Variants in NXPE1 observed in about 807,000 individuals in gnomAD.
The protein encoded by NXPE1 is neurexophilin and PC-esterase domain family member 1.
In NXPE1, 31 loss-of-function variants were observed where a neutral mutation model predicts 33.3. That is an observed-to-expected ratio of 0.93 (90% CI 0.70 to 1.26). NXPE1 has a LOEUF of 1.26. Ranked by LOEUF, NXPE1 falls within the 50% of genes most tolerant of loss-of-function variation. NXPE1 has a pLI of 0.00. For synonymous variants in NXPE1, 229 were observed against 231.4 expected, an observed-to-expected ratio of 0.99 and a Z score of 0.09; for missense variants, 661 against 655.6, an observed-to-expected ratio of 1.01 and a Z score of -0.09.
exon 9 of NXPE1, chr11:114,522,351 G>C: frequency 6.2e-7 from 1 of 1,614,074 alleles, no homozygotes; most frequent in Non-Finnish European, 8.5e-7. Flanking sequence ...TCAATTTCCC[G>C]AGGGATATAA....
intron 5 of NXPE1, among the ~76,000 whole-genome samples, chr11:114,542,960 A>G (rs1417835373): frequency 6.6e-6 from 1 of 152,204 alleles, no homozygotes; most frequent in Non-Finnish European, 1.5e-5. Context: ...TCACCAATTA[A>G]AGTATATTTT....
chr11:114,522,333 A>G, exon 9 of NXPE1: 1 of 1,614,128 alleles, frequency 6.2e-7, no homozygotes, highest in Non-Finnish European at 8.5e-7. Flanking sequence ...TTGTCACCTG[A>G]TAGCCGGTCA....
chr11:114,530,049 C>T (rs952724696), intron 6 of NXPE1, 126 bp downstream of exon 6: 6 of 988,034 alleles, frequency 6.1e-6, no homozygotes, highest in African/African-American at 1.6e-5. Flanking sequence ...CCCAAGAAGA[C>T]ACCACATGTC....
intron 8 of NXPE1, 47 bp from the exon 9 acceptor site, chr11:114,522,550 T>C: frequency 7.0e-7 from 1 of 1,438,354 alleles, no homozygotes; most frequent in Non-Finnish European, 9.4e-7. Flanking sequence ...TAATGGTTAA[T>C]ATTCATGAAA....
At chr11:114,549,601 T>C (rs931906502) in intron 5 of NXPE1, among the ~76,000 whole-genome samples, 2 of 152,134 alleles carry the variant, frequency 1.3e-5, no homozygotes, top group African/African-American at 4.8e-5. Context: ...ACATAAAATA[T>C]ATACTTTAAC....
At chr11:114,534,609 A>C (rs980890208) in intron 5 of NXPE1, among the ~76,000 whole-genome samples, 1 of 152,362 alleles carries the variant, frequency 6.6e-6, no homozygotes, top group East Asian at 1.9e-4. Context: ...TGGAGCTGAA[A>C]ACCACAGCAC....
intron 5 of NXPE1, among the ~76,000 whole-genome samples, chr11:114,545,527 G>T (rs1296371873): frequency 6.6e-6 from 1 of 152,128 alleles, no homozygotes; most frequent in Non-Finnish European, 1.5e-5. Flanking sequence ...GTTCTATAGA[G>T]ATCAAAAACC....
At chr11:114,530,414 T>C in exon 6 of NXPE1, 2 of 1,614,232 alleles carry the variant, frequency 1.2e-6, no homozygotes, top group Non-Finnish European at 1.7e-6. Context: ...TATCATAGCC[T>C]TGGTTCCTTG....
chr11:114,535,274 G>A (rs1030133995), intron 5 of NXPE1, among the ~76,000 whole-genome samples: 4 of 152,148 alleles, frequency 2.6e-5, no homozygotes, highest in African/African-American at 9.7e-5. Context: ...AAGAGCTCCT[G>A]AAGGAAGCAC....
At chr11:114,550,722 T>TA (rs1414011043) in intron 5 of NXPE1, among the ~76,000 whole-genome samples, 3 of 152,048 alleles carry the variant, frequency 2.0e-5, no homozygotes, top group South Asian at 2.1e-4. Flanking sequence ...ACAGTACTGC[T>TA]AAAAAAATAA....
exon 6 of NXPE1, chr11:114,530,277 C>A: frequency 5.6e-6 from 9 of 1,614,212 alleles, no homozygotes; most frequent in Non-Finnish European, 6.8e-6. Context: ...AGGCTTCATA[C>A]AATAGAAGGC....
At chr11:114,535,663 C>T (rs956397851) in intron 5 of NXPE1, among the ~76,000 whole-genome samples, 1 of 152,012 alleles carries the variant, frequency 6.6e-6, no homozygotes, top group African/African-American at 2.4e-5. Context: ...CTTAAACCAA[C>T]AAAGATCAAA....
At chr11:114,554,164 G>T in intron 1 of NXPE1, 1 of 985,278 alleles carries the variant, frequency 1.0e-6, no homozygotes, top group Non-Finnish European at 1.2e-6. Flanking sequence ...TACAGAGCCC[G>T]CTAGTTGTCT....
At chr11:114,530,495 G>C (rs748977507) in exon 6 of NXPE1, 1 of 1,613,948 alleles carries the variant, frequency 6.2e-7, no homozygotes, top group Non-Finnish European at 8.5e-7. Context: ...GGCCCTCCCA[G>C]AACAGAGTGA....
intron 7 of NXPE1, among the ~76,000 whole-genome samples, chr11:114,527,555 C>G (rs758961049): frequency 2.0e-5 from 3 of 152,162 alleles, no homozygotes; most frequent in Non-Finnish European, 4.4e-5. Flanking sequence ...GATATCCGTC[C>G]TTCAAAGACA....
At chr11:114,522,817 C>A (rs1271887658) in intron 8 of NXPE1, 62 bp downstream of exon 8, 3 of 1,171,282 alleles carry the variant, frequency 2.6e-6, no homozygotes, top group East Asian at 4.7e-5. Context: ...AGAATAGAGA[C>A]CTCATTAAAA....
chr11:114,528,563 C>G (rs566630189), intron 6 of NXPE1, among the ~76,000 whole-genome samples: 1 of 152,314 alleles, frequency 6.6e-6, no homozygotes, highest in East Asian at 1.9e-4. Flanking sequence ...ACTGCTGTAT[C>G]CTTAATATCT....
chr11:114,543,253 G>A (rs1948164451), intron 5 of NXPE1, among the ~76,000 whole-genome samples: 1 of 152,094 alleles, frequency 6.6e-6, no homozygotes, highest in Admixed American at 6.5e-5. Flanking sequence ...CTACTCAGGA[G>A]GCTGAGGCAG....
exon 6 of NXPE1, chr11:114,530,630 G>A (rs764666956): frequency 2.1e-5 from 34 of 1,613,998 alleles, no homozygotes; most frequent in Non-Finnish European, 2.6e-5. Context: ...GTCCCAAGTG[G>A]TCCCTCACCT....
Sources: allele counts gnomAD v4.1 joint callset (sites outside exome capture counted in the v4.1 genomes callset), GRCh38; gene constraint gnomAD v4.1.1; transcripts MANE v1.5; gene names NCBI Gene and HGNC (gene_info 2026-07-23, HGNC 2026-07-21).